Variants in HS3ST4 observed in about 807,000 individuals in gnomAD.
HS3ST4 encodes heparan sulfate glucosamine 3-O-sulfotransferase 4.
In HS3ST4, 17 loss-of-function variants were observed where a neutral mutation model predicts 29.2. That is an observed-to-expected ratio of 0.58 (90% confidence interval 0.40 to 0.87). HS3ST4 has a LOEUF of 0.87. HS3ST4 is among the 40% of genes least tolerant of loss of function. The probability of loss-of-function intolerance (pLI) is 0.00; values close to 1 mark genes in which losing one functional copy is unlikely to be tolerated. For synonymous variants in HS3ST4, 314 were observed against 285.7 expected (o/e 1.10, Z -1.00); for missense variants, 627 against 634.5 (o/e 0.99, Z 0.13).
chr16:25,814,526 T>C (rs528285772), intron 1 of HS3ST4, among the ~76,000 whole-genome samples: 4 of 152,252 alleles, frequency 2.6e-5, no homozygotes, highest in African/African-American at 9.6e-5. Context: ...TTTCTATCTT[T>C]AGTAGAGACG....
intron 1 of HS3ST4, among the ~76,000 whole-genome samples, chr16:25,778,124 A>G (rs1309383010): frequency 2.0e-5 from 3 of 150,366 alleles, no homozygotes; most frequent in African/African-American, 7.3e-5. Flanking sequence ...TCATATACAC[A>G]CATACATACT....
At chr16:25,957,031 G>A (rs1968741697) in intron 1 of HS3ST4, among the ~76,000 whole-genome samples, 1 of 150,040 alleles carries the variant, frequency 6.7e-6, no homozygotes, top group Admixed American at 6.6e-5. Context: ...TGGGTTTTGT[G>A]TTGAGTCTGG....
chr16:26,035,653 A>G (rs1206765719), intron 1 of HS3ST4, among the ~76,000 whole-genome samples: 1 of 152,214 alleles, frequency 6.6e-6, no homozygotes, highest in Non-Finnish European at 1.5e-5. Flanking sequence ...TCTCCTGCCA[A>G]TACCCTAGTT....
At chr16:25,778,209 A>G (rs1459682396) in intron 1 of HS3ST4, among the ~76,000 whole-genome samples, 1 of 152,232 alleles carries the variant, frequency 6.6e-6, no homozygotes, top group African/African-American at 2.4e-5. Context: ...GACATATTTT[A>G]TCACCTTCTA....
chr16:25,698,664 T>C (rs1361992859), intron 1 of HS3ST4, among the ~76,000 whole-genome samples: 1 of 152,148 alleles, frequency 6.6e-6, no homozygotes, highest in African/African-American at 2.4e-5. Context: ...AGCTACCGAG[T>C]CTGTCCATTT....
At chr16:25,720,933 C>A (rs1458500306) in intron 1 of HS3ST4, among the ~76,000 whole-genome samples, 1 of 152,210 alleles carries the variant, frequency 6.6e-6, no homozygotes, top group African/African-American at 2.4e-5. Flanking sequence ...CAAAAAAGAG[C>A]AGGCTGTCTT....
At chr16:25,961,648 A>G (rs1288359825) in intron 1 of HS3ST4, among the ~76,000 whole-genome samples, 3 of 152,246 alleles carry the variant, frequency 2.0e-5, no homozygotes, top group Non-Finnish European at 2.9e-5. Flanking sequence ...GGTAACTCCA[A>G]CTCATCCCAG....
At chr16:25,742,328 T>C (rs1425389066) in intron 1 of HS3ST4, among the ~76,000 whole-genome samples, 1 of 152,208 alleles carries the variant, frequency 6.6e-6, no homozygotes, top group African/African-American at 2.4e-5. Flanking sequence ...AAGAGAAGCC[T>C]CCTTCCTGAT....
intron 1 of HS3ST4, among the ~76,000 whole-genome samples, chr16:25,992,022 A>AAAACAAAC (rs10679569): frequency 3.3e-5 from 5 of 152,058 alleles, no homozygotes; most frequent in Non-Finnish European, 7.4e-5. Context: ...CTCCGTCTCA[A>AAAACAAAC]AAACAAACAA....
chr16:26,020,266 A>G (rs898615433), intron 1 of HS3ST4, among the ~76,000 whole-genome samples: 7 of 152,200 alleles, frequency 4.6e-5, no homozygotes, highest in African/African-American at 1.4e-4. Flanking sequence ...GCCTCAGTGG[A>G]AGGTAAATGT....
chr16:25,778,351 C>G (rs573955975), intron 1 of HS3ST4, among the ~76,000 whole-genome samples: 75 of 152,272 alleles, frequency 4.9e-4, no homozygotes, highest in Middle Eastern at 3.4e-3. Context: ...TATGGTTCCC[C>G]TTTGAGCCTC....
intron 1 of HS3ST4, among the ~76,000 whole-genome samples, chr16:25,740,194 G>A (rs1369564466): frequency 1.3e-5 from 2 of 152,084 alleles, no homozygotes; most frequent in East Asian, 1.9e-4. Flanking sequence ...CTGGACTACC[G>A]TCGTGGCAAT....
At chr16:26,129,604 C>A (rs768498434) in intron 1 of HS3ST4, among the ~76,000 whole-genome samples, 1 of 152,218 alleles carries the variant, frequency 6.6e-6, no homozygotes, top group Non-Finnish European at 1.5e-5. Context: ...TCCTCTCAAA[C>A]TCCCCATGAG....
chr16:25,788,659 G>T (rs1457206894), intron 1 of HS3ST4, among the ~76,000 whole-genome samples: 1 of 140,068 alleles, frequency 7.1e-6, no homozygotes, highest in Non-Finnish European at 1.5e-5. Context: ...TCCCACCTTT[G>T]CCTCCCAAGT....
intron 1 of HS3ST4, among the ~76,000 whole-genome samples, chr16:25,737,524 A>G (rs1159751847): frequency 6.6e-6 from 1 of 152,206 alleles, no homozygotes; most frequent in Non-Finnish European, 1.5e-5. Flanking sequence ...CTCACTTATA[A>G]GTGGGAGCTA....
intron 1 of HS3ST4, among the ~76,000 whole-genome samples, chr16:25,787,355 T>C (rs1012230313): frequency 6.6e-6 from 1 of 152,244 alleles, no homozygotes; most frequent in African/African-American, 2.4e-5. Context: ...ACTGTATTCA[T>C]CTTGCAGATG....
chr16:25,774,720 G>A (rs1966846029), intron 1 of HS3ST4, among the ~76,000 whole-genome samples: 2 of 152,090 alleles, frequency 1.3e-5, no homozygotes, highest in African/African-American at 2.4e-5. Context: ...CACTGTGTAA[G>A]TATTCATTTT....
intron 1 of HS3ST4, among the ~76,000 whole-genome samples, chr16:25,735,388 TC>T (rs1472157331): frequency 1.3e-5 from 2 of 151,662 alleles, no homozygotes; most frequent in Non-Finnish European, 2.9e-5. Flanking sequence ...GTGTACTTTT[TC>T]TTTTTTTTTT....
chr16:26,111,587 G>A (rs771235260), intron 1 of HS3ST4, among the ~76,000 whole-genome samples: 4 of 152,192 alleles, frequency 2.6e-5, no homozygotes, highest in Non-Finnish European at 5.9e-5. Context: ...TGATGATGGA[G>A]GAGGCCACAG....
Sources: gnomAD v4.1 joint callset for allele counts (sites outside exome capture counted in the v4.1 genomes callset) on GRCh38, gnomAD v4.1.1 for gene constraint, MANE v1.5 for transcripts, NCBI Gene and HGNC (gene_info 2026-07-23, HGNC 2026-07-21) for gene names.